Variants in KLHL29 observed in about 807,000 individuals in gnomAD.
KLHL29 encodes the protein kelch-like protein 29.
Under a neutral mutation model 80.4 loss-of-function variants are expected in KLHL29, and 21 were observed. That is an observed-to-expected ratio of 0.26 (90% CI 0.19 to 0.38). The LOEUF is 0.38. Ranked by LOEUF, KLHL29 falls within the 10% of genes least tolerant of loss-of-function variation. The pLI, the probability that KLHL29 is intolerant of heterozygous loss-of-function variation, is 1.00. For synonymous variants in KLHL29, 511 were observed against 526.8 expected, an observed-to-expected ratio of 0.97 and a Z score of 0.41; for missense variants, 867 against 1,223.9, an observed-to-expected ratio of 0.71 and a Z score of 4.35.
intron 1 of KLHL29, among the ~76,000 whole-genome samples, chr2:23,428,782 A>G (rs540082441): frequency 6.6e-6 from 1 of 152,308 alleles, no homozygotes; most frequent in African/African-American, 2.4e-5. Context: ...ATTTTACATG[A>G]TGCAAGGAAT....
At chr2:23,576,011 T>C (rs1667833283) in intron 3 of KLHL29, among the ~76,000 whole-genome samples, 1 of 152,104 alleles carries the variant, frequency 6.6e-6, no homozygotes, top group Non-Finnish European at 1.5e-5. Context: ...CCATTAGAAA[T>C]ATGCTGAGGG....
chr2:23,491,175 G>A (rs142361755), intron 2 of KLHL29, among the ~76,000 whole-genome samples: 4 of 152,094 alleles, frequency 2.6e-5, no homozygotes, highest in Non-Finnish European at 5.9e-5. Context: ...AGCCCCTAGG[G>A]ACACCAGCAG....
chr2:23,627,337 G>T (rs574465548), intron 3 of KLHL29, among the ~76,000 whole-genome samples: 1 of 152,222 alleles, frequency 6.6e-6, no homozygotes, highest in African/African-American at 2.4e-5. Flanking sequence ...CTGGCCACAC[G>T]TGGCTCTCAT....
chr2:23,595,671 T>G (rs1285508334), intron 3 of KLHL29, among the ~76,000 whole-genome samples: 1 of 152,102 alleles, frequency 6.6e-6, no homozygotes, highest in Admixed American at 6.5e-5. Flanking sequence ...CCTGGTCACT[T>G]GGGGGGCAGA....
chr2:23,582,711 GGGT>G (rs1668017066), intron 3 of KLHL29, among the ~76,000 whole-genome samples: 1 of 152,182 alleles, frequency 6.6e-6, no homozygotes, highest in African/African-American at 2.4e-5. Context: ...CTATATTTCA[GGGT>G]GGTAAGGTGG....
intron 5 of KLHL29, among the ~76,000 whole-genome samples, chr2:23,666,426 A>G (rs555036482): frequency 6.6e-6 from 1 of 152,076 alleles, no homozygotes; most frequent in African/African-American, 2.4e-5. Flanking sequence ...GGAGGACACT[A>G]TAGTGTGCGG....
At chr2:23,403,711 AAG>A (rs370645378) in intron 1 of KLHL29, among the ~76,000 whole-genome samples, 3,874 of 139,992 alleles carry the variant, frequency 0.028, 171 homozygotes, top group African/African-American at 0.093. Flanking sequence ...ATGAAACCCA[AAG>A]AGAGAGAGAG....
intron 1 of KLHL29, among the ~76,000 whole-genome samples, chr2:23,424,435 A>G (rs1662950140): frequency 6.6e-6 from 1 of 152,154 alleles, no homozygotes; most frequent in Non-Finnish European, 1.5e-5. Context: ...ATTATTTGTC[A>G]TCTATGCTTT....
chr2:23,450,898 C>T (rs1261590504), intron 1 of KLHL29, among the ~76,000 whole-genome samples: 6 of 152,136 alleles, frequency 3.9e-5, no homozygotes, highest in African/African-American at 1.4e-4. Flanking sequence ...CAGTCAATCC[C>T]CATTTTTCCT....
intron 1 of KLHL29, among the ~76,000 whole-genome samples, chr2:23,443,921 C>T (rs777914164): frequency 6.6e-6 from 1 of 152,206 alleles, no homozygotes; most frequent in Non-Finnish European, 1.5e-5. Context: ...ATGGCTTTTG[C>T]ATCCCTTGGT....
At chr2:23,455,043 G>T (rs2103424255) in intron 1 of KLHL29, among the ~76,000 whole-genome samples, 1 of 151,870 alleles carries the variant, frequency 6.6e-6, no homozygotes, top group African/African-American at 2.4e-5. Flanking sequence ...CAGCCTCTGT[G>T]CAATCAGTTT....
chr2:23,468,695 C>T (rs1664417099), intron 1 of KLHL29, among the ~76,000 whole-genome samples: 1 of 152,282 alleles, frequency 6.6e-6, no homozygotes, highest in East Asian at 1.9e-4. Context: ...GGCTAGAGGG[C>T]TTGTGGTGTT....
chr2:23,553,870 C>T (rs369562351), intron 2 of KLHL29, among the ~76,000 whole-genome samples: 12 of 152,334 alleles, frequency 7.9e-5, no homozygotes, highest in South Asian at 4.1e-4. Context: ...TCTTTAGGGA[C>T]GGGATCAGAA....
chr2:23,468,716 G>A (rs533929316), intron 1 of KLHL29, among the ~76,000 whole-genome samples: 1 of 152,316 alleles, frequency 6.6e-6, no homozygotes, highest in South Asian at 2.1e-4. Flanking sequence ...TTCTGATGTG[G>A]CTGGCTATTT....
intron 3 of KLHL29, among the ~76,000 whole-genome samples, chr2:23,637,007 C>T (rs1429780836): frequency 6.6e-6 from 1 of 152,260 alleles, no homozygotes; most frequent in East Asian, 1.9e-4. Context: ...CTGAAAACCT[C>T]TGCAGCCTCT....
At chr2:23,565,993 C>T (rs1667581454) in intron 3 of KLHL29, among the ~76,000 whole-genome samples, 2 of 152,248 alleles carry the variant, frequency 1.3e-5, no homozygotes, top group African/African-American at 4.8e-5. Flanking sequence ...GTCACCTTCC[C>T]AGGCAGGGGC....
chr2:23,422,537 T>C (rs1558332534), intron 1 of KLHL29, among the ~76,000 whole-genome samples: 1 of 151,856 alleles, frequency 6.6e-6, no homozygotes, highest in Non-Finnish European at 1.5e-5. Context: ...TGTCCATGTG[T>C]CTGTGTCTCT....
In KLHL29 at chr2:23,385,562, G is replaced by C. The variant is rs978684636; in HGVS notation, c.-372G>C. On this transcript the variant is annotated 5_prime_UTR_variant, in exon 1 of 14. Coordinates refer to ENST00000486442, the MANE Select transcript of KLHL29 (RefSeq NM_052920.2). ...TCCCGGGCATCCTCCCTGGGCTGCC[G>C]GGAGGCGGCGGCGGCGGAGGAGGAG... is the stretch of plus-strand genomic sequence containing the variant. 2.3e-5 allele frequency: 4 copies of C among 171,614 alleles called. No individual in the cohort carries two copies. In the South Asian group the frequency reaches 7.2e-4, roughly 31 times the overall value. The allele number at this position is 171,614 out of a possible 1,614,324, so 10.6% of individuals were successfully genotyped here.
chr2:23,508,215 A>G (rs903903743), intron 2 of KLHL29, among the ~76,000 whole-genome samples: 6 of 152,352 alleles, frequency 3.9e-5, no homozygotes, highest in African/African-American at 1.4e-4. Flanking sequence ...GGTGTAAGCA[A>G]CCGTCTTACT....
Sources: allele counts gnomAD v4.1 joint callset (sites outside exome capture counted in the v4.1 genomes callset), GRCh38; gene constraint gnomAD v4.1.1; transcripts MANE v1.5; gene names NCBI Gene and HGNC (gene_info 2026-07-23, HGNC 2026-07-21).